The following ZNF385D variants were observed in gnomAD, a reference collection of about 807,000 sequenced individuals.
ZNF385D encodes zinc finger protein 385D, also known as zinc finger protein 659.
Under a neutral mutation model 35.8 loss-of-function variants are expected in ZNF385D, and 15 were observed. That is an observed-to-expected ratio of 0.42 (90% CI 0.28 to 0.64). ZNF385D has a LOEUF of 0.64. Ranked by LOEUF, ZNF385D falls within the 30% of genes least tolerant of loss-of-function variation. The probability of loss-of-function intolerance (pLI) is 0.23; values close to 1 mark genes in which losing one functional copy is unlikely to be tolerated. For missense variants in ZNF385D, 474 were observed against 494.6 expected (o/e 0.96, Z 0.39); for synonymous variants, 212 against 186.8 (o/e 1.13, Z -1.10).
intron 1 of ZNF385D, among the ~76,000 whole-genome samples, chr3:21,666,473 A>G (rs947036969): frequency 6.6e-6 from 1 of 152,246 alleles, no homozygotes; most frequent in East Asian, 1.9e-4. Context: ...AGCAAAGTCA[A>G]TAACTGAAGT....
chr3:21,604,128 A>G (rs2064403944), intron 2 of ZNF385D, among the ~76,000 whole-genome samples: 1 of 152,146 alleles, frequency 6.6e-6, no homozygotes, highest in African/African-American at 2.4e-5. Context: ...ACATAAAAAC[A>G]CTCAGATTTA....
At chr3:21,780,768 T>A (rs1559615823) in intron 3 of ZNF385D, among the ~76,000 whole-genome samples, 1 of 152,060 alleles carries the variant, frequency 6.6e-6, no homozygotes, top group African/African-American at 2.4e-5. Context: ...AACTTTCACC[T>A]GAGGAATACT....
Position 22,372,635 on chromosome 3 carries a change from C to A in ZNF385D, c.-80G>T, listed in dbSNP as rs941030597. The A allele has an allele frequency of 8.3e-5, 34 of 408,214 alleles. No homozygotes were observed. The East Asian group carries it at 4.9e-3, about 59-fold the overall frequency. The allele number at this position is 408,214 out of a possible 1,614,324, so 25.3% of individuals were successfully genotyped here. ...CTGCAGCTTCAACGGCGGTGGTCGC[C>A]GCGAGCCGTGAGCGGCGGCCAAGGA... On this transcript the variant is annotated 5_prime_UTR_variant, in exon 2 of 6. Coordinates refer to the ZNF385D transcript ENST00000494108.
intron 3 of ZNF385D, among the ~76,000 whole-genome samples, chr3:22,113,952 A>G (rs1702674247): frequency 6.6e-6 from 1 of 152,112 alleles, no homozygotes; most frequent in Non-Finnish European, 1.5e-5. Context: ...AACTAGAATC[A>G]CCAACCACAT....
At chr3:21,737,034 G>C (rs762405629) in intron 1 of ZNF385D, among the ~76,000 whole-genome samples, 1 of 152,106 alleles carries the variant, frequency 6.6e-6, no homozygotes, top group Non-Finnish European at 1.5e-5. Flanking sequence ...CTGCCTCCTG[G>C]GTTCAAGTGA....
intron 1 of ZNF385D, among the ~76,000 whole-genome samples, chr3:21,742,853 C>T (rs966878852): frequency 6.6e-6 from 1 of 152,182 alleles, no homozygotes; most frequent in African/African-American, 2.4e-5. Flanking sequence ...ATGTAATTTA[C>T]TAAGCATGGT....
chr3:22,227,219 C>G (rs1698615138), intron 2 of ZNF385D, among the ~76,000 whole-genome samples: 1 of 151,842 alleles, frequency 6.6e-6, no homozygotes. Flanking sequence ...ATCCAAGGTT[C>G]CTAGTTCCTA....
intron 4 of ZNF385D, among the ~76,000 whole-genome samples, chr3:21,506,448 A>G (rs1172281216): frequency 6.6e-6 from 1 of 152,186 alleles, no homozygotes; most frequent in African/African-American, 2.4e-5. Context: ...TGTGAATGAG[A>G]TTCCCTAAGA....
intron 3 of ZNF385D, among the ~76,000 whole-genome samples, chr3:21,918,188 G>A (rs554013836): frequency 2.1e-3 from 272 of 127,858 alleles, no homozygotes; most frequent in Non-Finnish European, 4.2e-3. Flanking sequence ...GAATATGATT[G>A]AAAAGCAAAA....
intron 3 of ZNF385D, among the ~76,000 whole-genome samples, chr3:21,941,642 C>G (rs540002229): frequency 2.0e-5 from 3 of 151,746 alleles, no homozygotes; most frequent in African/African-American, 7.3e-5. Flanking sequence ...GGACCACAGG[C>G]GCCCGCCACC....
intron 4 of ZNF385D, among the ~76,000 whole-genome samples, chr3:21,460,683 A>G (rs1703113244): frequency 6.6e-6 from 1 of 151,704 alleles, no homozygotes; most frequent in South Asian, 2.1e-4. Context: ...TCTATTCACT[A>G]CAATTTTTTT....
intron 1 of ZNF385D, among the ~76,000 whole-genome samples, chr3:21,742,980 G>A (rs904365600): frequency 3.9e-5 from 6 of 152,232 alleles, no homozygotes; most frequent in Non-Finnish European, 8.8e-5. Context: ...ACTTTCCAGT[G>A]CTAGGCACTT....
In ZNF385D at chr3:21,416,107, T is replaced by C. The variant is rs1700559658; in HGVS notation, c.*5107A>G. 2 of 8,192 alleles carry C rather than the reference T, an allele frequency of 2.4e-4. 1 individual carries two copies. Among genetic ancestry groups the C allele is most frequent in the Non-Finnish European group, 4.4e-4 (2 of 4,560 alleles). The allele number at this position is 8,192 out of a possible 1,614,324, so 0.5% of individuals were successfully genotyped here. On this transcript the variant is annotated 3_prime_UTR_variant, in exon 8 of 8. Transcript: ENST00000281523. ...CTGCAGTGGCGCAATCTCGGCTCACTGCAAGCTCCGCTTCCCGGGTTCACG... is the reference window on the plus strand; with the variant it reads ...CTGCAGTGGCGCAATCTCGGCTCACCGCAAGCTCCGCTTCCCGGGTTCACG...
intron 3 of ZNF385D, among the ~76,000 whole-genome samples, chr3:22,097,337 G>C (rs1046678695): frequency 2.6e-5 from 4 of 152,006 alleles, no homozygotes; most frequent in African/African-American, 4.8e-5. Flanking sequence ...GTTGGGTTTG[G>C]AACTAGATGG....
intron 3 of ZNF385D, among the ~76,000 whole-genome samples, chr3:21,897,113 G>A (rs12491099): frequency 0.22 from 33,767 of 152,060 alleles, 3,797 homozygotes; most frequent in Middle Eastern, 0.3. Flanking sequence ...GGCTGATCAG[G>A]TGGAGGCTGC....
chr3:21,698,377 A>G (rs1318276898), intron 1 of ZNF385D, among the ~76,000 whole-genome samples: 1 of 147,080 alleles, frequency 6.8e-6, no homozygotes, highest in Non-Finnish European at 1.5e-5. Flanking sequence ...GTTCTTACTT[A>G]TAATTTGGAG....
intron 3 of ZNF385D, among the ~76,000 whole-genome samples, chr3:21,997,703 T>C (rs1028294748): frequency 2.0e-5 from 3 of 152,152 alleles, no homozygotes; most frequent in African/African-American, 7.2e-5. Context: ...TTGTTAACTT[T>C]AGATACCAAA....
chr3:21,565,544 C>T (rs2063112430), intron 2 of ZNF385D, among the ~76,000 whole-genome samples: 1 of 102,976 alleles, frequency 9.7e-6, no homozygotes, highest in African/African-American at 5.1e-5. Flanking sequence ...ACACCCAGCC[C>T]TTGATCTTAA....
chr3:22,285,682 C>G (rs1238344236), intron 2 of ZNF385D, among the ~76,000 whole-genome samples: 2 of 152,070 alleles, frequency 1.3e-5, no homozygotes, highest in Admixed American at 6.6e-5. Context: ...TCCCTCCCCC[C>G]TCTCCCCACC....
Sources: allele counts gnomAD v4.1 joint callset (sites outside exome capture counted in the v4.1 genomes callset), GRCh38; gene constraint gnomAD v4.1.1; transcripts MANE v1.5; gene names NCBI Gene and HGNC (gene_info 2026-07-23, HGNC 2026-07-21).